ESR2: variants seen among roughly 807,000 people sequenced by gnomAD.
ESR2 encodes estrogen receptor beta.
ESR2 carries 36 observed loss-of-function variants against 49.6 expected under a neutral mutation model. That is an observed-to-expected ratio of 0.73 (90% CI 0.56 to 0.96). The LOEUF (loss-of-function observed/expected upper bound fraction) is 0.96, where lower values mean the gene tolerates loss of function less well. Ranked by LOEUF, ESR2 falls within the 40% of genes least tolerant of loss-of-function variation. The pLI, the probability that ESR2 is intolerant of heterozygous loss-of-function variation, is 0.00. For missense variants in ESR2, 714 were observed against 693.0 expected (o/e 1.03, Z -0.34); for synonymous variants, 320 against 266.1 (o/e 1.20, Z -1.97).
intron 7 of ESR2, among the ~76,000 whole-genome samples, chr14:64,240,493 CTT>C (rs1329034903): frequency 6.6e-6 from 1 of 152,220 alleles, no homozygotes; most frequent in Non-Finnish European, 1.5e-5. Flanking sequence ...ACTTTGCTCT[CTT>C]AATCTTTTTG....
At position 64,268,885 on chromosome 14, in the gene ESR2, T is replaced by C; in HGVS notation, c.562A>G (p.Thr188Ala). ...TTTTTATCGATTGTACACTGATTTG[T>C]AGCTGGACAAATATAATCATTATGT... ...QGHNDYICPA[T>A]NQCTIDKNRR... Residue 188 changes from threonine to alanine, a missense_variant, in exon 4 of 9, where the codon ACA (threonine) becomes GCA (alanine). Thr to Ala is a moderately conservative substitution (Grantham distance 58). Coordinates refer to ENST00000341099, the MANE Select transcript of ESR2 (RefSeq NM_001437.3). 6.2e-7 allele frequency: 1 copy of C among 1,611,900 alleles called. No individual in the cohort carries two copies. Among genetic ancestry groups the C allele is most frequent in the Non-Finnish European group, 8.5e-7 (1 of 1,178,010 alleles).
intron 2 of ESR2, among the ~76,000 whole-genome samples, chr14:64,281,489 A>G (rs2076667418): frequency 6.6e-6 from 1 of 152,168 alleles, no homozygotes; most frequent in African/African-American, 2.4e-5. Flanking sequence ...AGTTATCCAC[A>G]ATGTTTATAT....
chr14:64,330,510 T>C (rs550956261), intron 1 of ESR2: 2 of 152,008 alleles, frequency 1.3e-5, no homozygotes, highest in South Asian at 4.2e-4. Context: ...GGTGGGCCAA[T>C]AGACTGAAGA....
intron 1 of ESR2, among the ~76,000 whole-genome samples, chr14:64,301,785 T>G (rs576556381): frequency 1.3e-5 from 2 of 152,302 alleles, no homozygotes; most frequent in East Asian, 3.9e-4. Flanking sequence ...AGAAGCTATT[T>G]CATAGAAATG....
intron 1 of ESR2, among the ~76,000 whole-genome samples, chr14:64,325,462 C>T (rs1350155037): frequency 1.3e-5 from 2 of 151,854 alleles, no homozygotes; most frequent in Non-Finnish European, 2.9e-5. Context: ...GAGAGTTAGG[C>T]ACAGGAGAAA....
At chr14:64,260,844 T>C in intron 4 of ESR2, 96 bp from the exon 5 acceptor site, 1 of 1,140,730 alleles carries the variant, frequency 8.8e-7, no homozygotes, top group South Asian at 1.9e-5. Context: ...GTGGGGCACG[T>C]ACCAAAGATT....
intron 7 of ESR2, among the ~76,000 whole-genome samples, chr14:64,239,331 T>C (rs2075672439): frequency 6.6e-6 from 1 of 152,196 alleles, no homozygotes; most frequent in African/African-American, 2.4e-5. Flanking sequence ...ACCCACTCCA[T>C]GGGAACTCTC....
At chr14:64,262,939 G>A (rs1380456482) in intron 4 of ESR2, among the ~76,000 whole-genome samples, 2 of 151,998 alleles carry the variant, frequency 1.3e-5, no homozygotes, top group Admixed American at 6.6e-5. Context: ...GAAACAGAAT[G>A]TATGACTTTT....
chr14:64,312,251 A>T (rs1279511984), intron 1 of ESR2, among the ~76,000 whole-genome samples: 1 of 152,196 alleles, frequency 6.6e-6, no homozygotes, highest in African/African-American at 2.4e-5. Flanking sequence ...TTCAAAATGG[A>T]ATTCTAAAAA....
At chr14:64,324,515 A>G (rs1288699143) in intron 1 of ESR2, among the ~76,000 whole-genome samples, 5 of 152,206 alleles carry the variant, frequency 3.3e-5, no homozygotes, top group Non-Finnish European at 7.3e-5. Flanking sequence ...GTCTTTTTTC[A>G]TAGTCTAATC....
chr14:64,301,357 G>A (rs927792630), intron 1 of ESR2: 1 of 152,178 alleles, frequency 6.6e-6, no homozygotes, highest in African/African-American at 2.4e-5. Context: ...GTAACTCCCA[G>A]AGCTCCTTAC....
chr14:64,285,521 T>C (rs888716802), intron 1 of ESR2, among the ~76,000 whole-genome samples: 12 of 152,112 alleles, frequency 7.9e-5, no homozygotes, highest in African/African-American at 2.7e-4. Flanking sequence ...TGAACCCTTC[T>C]TCAAAATGAT....
intron 7 of ESR2, among the ~76,000 whole-genome samples, chr14:64,244,980 T>A (rs560367677): frequency 1.4e-3 from 210 of 152,264 alleles, no homozygotes; most frequent in African/African-American, 4.9e-3. Flanking sequence ...CAATGTCCAA[T>A]ATCTGTTTTA....
Position 64,230,715 on chromosome 14 carries a change from C to T in ESR2, c.*2422G>A, listed in dbSNP as rs1009091095. ...ACAGAGGGGTGCTGTGAGAACAGAG[C>T]GAGATTCGGTGAGAATAGCTCAGCT... On this transcript the variant is annotated 3_prime_UTR_variant, in exon 9 of 9. Coordinates refer to ENST00000341099, the MANE Select transcript of ESR2 (RefSeq NM_001437.3). Among the ~76,000 whole-genome samples the T allele has an allele frequency of 5.9e-5, 9 of 151,620 alleles. No homozygotes were observed. The highest frequency in any genetic ancestry group is 1.7e-4 in the African/African-American group (7 of 41,226).
intron 6 of ESR2, among the ~76,000 whole-genome samples, chr14:64,250,278 T>G (rs761302520): frequency 2.0e-5 from 3 of 152,168 alleles, no homozygotes; most frequent in Non-Finnish European, 2.9e-5. Flanking sequence ...TGGATTAGAA[T>G]CAGGAAAAGA....
intron 1 of ESR2, among the ~76,000 whole-genome samples, chr14:64,308,188 T>C (rs763212593): frequency 6.6e-6 from 1 of 152,046 alleles, no homozygotes; most frequent in Non-Finnish European, 1.5e-5. Flanking sequence ...CTAATTTTTG[T>C]ATTTTTTGTA....
At chr14:64,334,212 A>C (rs911751780) in intron 1 of ESR2, among the ~76,000 whole-genome samples, 8 of 152,124 alleles carry the variant, frequency 5.3e-5, no homozygotes, top group Admixed American at 2.0e-4. Context: ...CAGTCTTCTC[A>C]CTCTACCACC....
chr14:64,235,051 G>A lies in ESR2; in HGVS notation c.1325C>T (p.Ala442Val). The A allele has an allele frequency of 6.2e-7, 1 of 1,614,214 alleles. No individual in the cohort carries two copies. The highest frequency in any genetic ancestry group is 8.5e-7 in the Non-Finnish European group (1 of 1,180,040). ...CTGCTGGGAGGAGATGCCGCTCTTG[G>A]CAATCACCCAAACCAAAGCATCGGT... ...AVTDALVWVIAKSGISSQQQS... is the reference protein window; with the variant it reads ...AVTDALVWVIVKSGISSQQQS... Residue 442 changes from alanine (A) to valine (V), a missense_variant, in exon 8 of 9, where the codon GCC becomes GTC. Transcript: ENST00000341099.
chr14:64,280,573 T>C (rs2076646988), intron 2 of ESR2, among the ~76,000 whole-genome samples: 1 of 152,206 alleles, frequency 6.6e-6, no homozygotes, highest in Admixed American at 6.5e-5. Context: ...GCTGCATGGA[T>C]GGGTGTGAAG....
Sources: gnomAD v4.1 joint callset for allele counts (sites outside exome capture counted in the v4.1 genomes callset) on GRCh38, gnomAD v4.1.1 for gene constraint, MANE v1.5 for transcripts, NCBI Gene and HGNC (gene_info 2026-07-23, HGNC 2026-07-21) for gene names.